ZFAT: variants seen among roughly 807,000 people sequenced by gnomAD.
ZFAT encodes zinc finger protein ZFAT.
Under a neutral mutation model 117.7 loss-of-function variants are expected in ZFAT, and 64 were observed. The ratio of observed to expected loss-of-function variants is 0.54; its 90% confidence interval spans 0.44 to 0.67. The LOEUF is 0.67. Ranked by LOEUF, ZFAT falls within the 30% of genes least tolerant of loss-of-function variation. ZFAT has a pLI of 0.00. For synonymous variants in ZFAT, 679 were observed against 615.0 expected, an observed-to-expected ratio of 1.10 and a Z score of -1.54; for missense variants, 1,433 against 1,584.5, an observed-to-expected ratio of 0.90 and a Z score of 1.62.
intron 1 of ZFAT, chr8:134,674,788 A>C (rs1243400737): frequency 3.3e-6 from 1 of 302,274 alleles, no homozygotes; most frequent in Non-Finnish European, 6.6e-6. Flanking sequence ...CGAAGCTTCC[A>C]GAGGCAGGAA....
intron 3 of ZFAT, among the ~76,000 whole-genome samples, chr8:134,626,147 G>A (rs942226878): frequency 6.6e-6 from 1 of 152,232 alleles, no homozygotes; most frequent in African/African-American, 2.4e-5. Context: ...AGCAGCAGTG[G>A]GAGAGGGGGG....
At chr8:134,570,014 T>C (rs1382237892) in intron 10 of ZFAT, among the ~76,000 whole-genome samples, 1 of 152,138 alleles carries the variant, frequency 6.6e-6, no homozygotes, top group Non-Finnish European at 1.5e-5. Context: ...AGCTTCACAG[T>C]GGCTGCAGGG....
the ZFAT span, among the ~76,000 whole-genome samples, chr8:134,810,372 G>A: frequency 1.3e-5 from 2 of 152,078 alleles, no homozygotes; most frequent in Non-Finnish European, 2.9e-5. Context: ...CGGATGCCAG[G>A]CTCTGAAGCA....
chr8:134,695,080 C>A (rs1286924549), intron 1 of ZFAT, among the ~76,000 whole-genome samples: 2 of 152,148 alleles, frequency 1.3e-5, no homozygotes, highest in Non-Finnish European at 2.9e-5. Context: ...GGGGAGGGAG[C>A]CAGGCAGGGA....
intron 1 of ZFAT, among the ~76,000 whole-genome samples, chr8:134,685,877 A>G (rs1431746037): frequency 6.6e-6 from 1 of 152,206 alleles, no homozygotes; most frequent in African/African-American, 2.4e-5. Context: ...CACCCCACTT[A>G]ACCTTCACAT....
chr8:134,534,843 C>A (rs539064665), intron 11 of ZFAT, among the ~76,000 whole-genome samples: 1 of 151,550 alleles, frequency 6.6e-6, no homozygotes, highest in African/African-American at 2.4e-5. Flanking sequence ...TCCACCTCAC[C>A]CCCTGCCTAA....
chr8:134,602,467 C>G lies in ZFAT; in HGVS notation c.1252G>C (p.Asp418His). 1 of 1,613,832 alleles carries G rather than the reference C, an allele frequency of 6.2e-7. No homozygotes were observed. Among genetic ancestry groups the G allele is most frequent in the Non-Finnish European group, 8.5e-7 (1 of 1,180,006 alleles). ...ICERKFKNEL[D>H]RDRHMLVHGD... is the part of the protein sequence containing the mutation. ...TGGACCAGCATATGGCGGTCACGGT[C>G]CAGCTCGTTCTTGAACTTGCGCTCA... The change falls in exon 6 of 16, where the codon GAC becomes CAC. Residue 418 changes from aspartate (D) to histidine (H), a missense_variant. Coordinates refer to ENST00000377838, the MANE Select transcript of ZFAT (RefSeq NM_020863.4).
intron 10 of ZFAT, among the ~76,000 whole-genome samples, chr8:134,575,792 A>G (rs1235504258): frequency 6.6e-6 from 1 of 152,248 alleles, no homozygotes; most frequent in African/African-American, 2.4e-5. Flanking sequence ...TGCAGGAAGC[A>G]TAACAGGCAT....
At chr8:134,638,560 C>CAAAAAAAAAAAAAAAAAAA (rs1563711719) in intron 2 of ZFAT, among the ~76,000 whole-genome samples, 15 of 63,028 alleles carry the variant, frequency 2.4e-4, no homozygotes, top group African/African-American at 1.1e-3. Flanking sequence ...AAAAAAAAAA[C>CAAAAAAAAAAAAAAAAAAA]AAAACAAAAA....
intron 15 of ZFAT, among the ~76,000 whole-genome samples, chr8:134,507,451 A>G (rs1365652126): frequency 1.3e-5 from 2 of 152,248 alleles, no homozygotes; most frequent in East Asian, 3.9e-4. Flanking sequence ...TGGCCAGGAC[A>G]TACACCTTCT....
chr8:134,737,149 G>C, the ZFAT span, among the ~76,000 whole-genome samples: 1 of 151,960 alleles, frequency 6.6e-6, no homozygotes, highest in Non-Finnish European at 1.5e-5. Context: ...ACGTGGTGGC[G>C]CATGATTGTA....
intron 5 of ZFAT, 123 bp from the exon 6 acceptor site, chr8:134,603,056 T>C (rs769110242): frequency 1.1e-5 from 14 of 1,331,698 alleles, no homozygotes; most frequent in African/African-American, 1.5e-5. Flanking sequence ...AGACGCTGGA[T>C]GGGTGCAGTC....
the ZFAT span, among the ~76,000 whole-genome samples, chr8:134,763,173 A>C: frequency 1.3e-5 from 2 of 152,228 alleles, no homozygotes; most frequent in African/African-American, 4.8e-5. Context: ...AAACAAATAA[A>C]AAATGTATAT....
chr8:134,677,648 A>T (rs1437671557), intron 1 of ZFAT, among the ~76,000 whole-genome samples: 2 of 152,332 alleles, frequency 1.3e-5, no homozygotes, highest in African/African-American at 2.4e-5. Context: ...AAAAAATAAA[A>T]AAATAAAAAT....
chr8:134,638,501 C>G (rs922553674), intron 2 of ZFAT, among the ~76,000 whole-genome samples: 2 of 146,274 alleles, frequency 1.4e-5, no homozygotes, highest in African/African-American at 2.5e-5. Flanking sequence ...GTCAGGAGAT[C>G]GAGACTATCC....
chr8:134,627,750 C>T (rs545285934), intron 3 of ZFAT, among the ~76,000 whole-genome samples: 8 of 152,360 alleles, frequency 5.3e-5, no homozygotes, highest in African/African-American at 1.9e-4. Flanking sequence ...TGAGCACTTG[C>T]TGTGTGCCCG....
At chr8:134,655,604 C>T (rs926432492) in intron 2 of ZFAT, among the ~76,000 whole-genome samples, 7 of 149,878 alleles carry the variant, frequency 4.7e-5, no homozygotes, top group East Asian at 2.0e-4. Flanking sequence ...GCCAAGATCA[C>T]GCCACTGCAT....
At chr8:134,825,705 T>C in the ZFAT span, among the ~76,000 whole-genome samples, 29 of 152,202 alleles carry the variant, frequency 1.9e-4, no homozygotes, top group Non-Finnish European at 3.5e-4. Flanking sequence ...GTGTAGTATA[T>C]TTACTTACAG....
intron 15 of ZFAT, among the ~76,000 whole-genome samples, chr8:134,505,965 C>T (rs1054559056): frequency 2.7e-4 from 41 of 152,206 alleles, no homozygotes; most frequent in Non-Finnish European, 8.8e-5. Flanking sequence ...GTCAACCATA[C>T]ATACAATGTT....
Sources: allele counts gnomAD v4.1 joint callset (sites outside exome capture counted in the v4.1 genomes callset), GRCh38; gene constraint gnomAD v4.1.1; transcripts MANE v1.5; gene names NCBI Gene and HGNC (gene_info 2026-07-23, HGNC 2026-07-21).